Variants in IL1RAPL2 observed in about 807,000 individuals in gnomAD.
IL1RAPL2 encodes the protein interleukin 1 receptor accessory protein like 2.
A neutral mutation model predicts 44.1 loss-of-function variants in IL1RAPL2; 3 were observed. The observed-to-expected ratio is 0.07, with a 90% CI of 0.03 to 0.18. The LOEUF (loss-of-function observed/expected upper bound fraction) is 0.18. IL1RAPL2 is among the 10% of genes least tolerant of loss of function. The pLI is 1.00. For synonymous variants in IL1RAPL2, 181 were observed against 178.8 expected (o/e 1.01, Z -0.10); for missense variants, 391 against 496.4 (o/e 0.79, Z 2.02).
intron 2 of IL1RAPL2, among the ~76,000 whole-genome samples, chrX:105,175,916 G>A (rs772129619): frequency 3.2e-4 from 35 of 110,420 alleles, no homozygotes; most frequent in Non-Finnish European, 4.0e-4. Flanking sequence ...TGATTATAAC[G>A]ATTAATGGTA....
intron 5 of IL1RAPL2, among the ~76,000 whole-genome samples, chrX:105,279,466 T>A (rs2034512488): frequency 9.0e-6 from 1 of 111,422 alleles, no homozygotes; most frequent in African/African-American, 3.3e-5. Flanking sequence ...ACAATTTTTT[T>A]ATTATTTTTT....
At chrX:105,370,876 C>G (rs924308532) in intron 5 of IL1RAPL2, among the ~76,000 whole-genome samples, 1 of 112,142 alleles carries the variant, frequency 8.9e-6, no homozygotes, top group East Asian at 2.8e-4. Context: ...TAAGTGTTCC[C>G]TCTTCACTGC....
chrX:105,666,950 C>T (rs1294471492), intron 6 of IL1RAPL2, among the ~76,000 whole-genome samples: 1 of 111,764 alleles, frequency 8.9e-6, no homozygotes, highest in Non-Finnish European at 1.9e-5. Flanking sequence ...CTCATTCTGG[C>T]AGTCCAGCCT....
chrX:104,766,129 A>C (rs1932548164), intron 2 of IL1RAPL2, among the ~76,000 whole-genome samples: 1 of 111,891 alleles, frequency 8.9e-6, no homozygotes. Context: ...ACTGGAAATC[A>C]AACCAATATA....
intron 5 of IL1RAPL2, among the ~76,000 whole-genome samples, chrX:105,429,448 T>C (rs1168421681): frequency 8.9e-6 from 1 of 112,188 alleles, no homozygotes; most frequent in Non-Finnish European, 1.9e-5. Flanking sequence ...AAATTTAATA[T>C]GCTTCAGAAT....
At chrX:104,959,602 C>T (rs956731763) in intron 2 of IL1RAPL2, among the ~76,000 whole-genome samples, 2 of 111,090 alleles carry the variant, frequency 1.8e-5, no homozygotes, top group East Asian at 2.8e-4. Flanking sequence ...TGACTTAGTA[C>T]GTAATTATTG....
intron 2 of IL1RAPL2, among the ~76,000 whole-genome samples, chrX:105,033,757 C>T (rs2031562456): frequency 9.0e-6 from 1 of 111,451 alleles, no homozygotes; most frequent in African/African-American, 3.3e-5. Flanking sequence ...TTTCCTGAAT[C>T]TGAATGTTGA....
intron 2 of IL1RAPL2, among the ~76,000 whole-genome samples, chrX:104,918,081 G>T (rs1362758111): frequency 1.8e-5 from 2 of 112,374 alleles, no homozygotes; most frequent in African/African-American, 3.2e-5. Flanking sequence ...AAATTAGCAA[G>T]TTAGGCATTA....
chrX:105,002,739 A>AT (rs2030873657), intron 2 of IL1RAPL2, among the ~76,000 whole-genome samples: 1 of 109,066 alleles, frequency 9.2e-6, no homozygotes, highest in Non-Finnish European at 1.9e-5. Context: ...GAAATGGGCA[A>AT]TTTTTCTGAA....
Position 105,577,522 on chromosome X carries a change from C to A in IL1RAPL2, c.772+93135C>A, listed in dbSNP as rs747503855. ...TTTCTTTTTCCTCCCAATTAATAGA[C>A]CCTCAATAATATTGTTGTGATTAAT... On this transcript the variant is annotated intron_variant, in intron 6 of 10. Coordinates refer to ENST00000372582, the MANE Select transcript of IL1RAPL2 (RefSeq NM_017416.2). Among the ~76,000 whole-genome samples, 20 of 110,342 alleles carry A rather than the reference C, an allele frequency of 1.8e-4. No homozygotes were observed. In the South Asian group the frequency reaches 7.1e-3, roughly 39 times the overall value.
At chrX:104,708,736 A>T in intron 2 of IL1RAPL2, among the ~76,000 whole-genome samples, 1 of 110,604 alleles carries the variant, frequency 9.0e-6, no homozygotes. Context: ...GAATTAAGGG[A>T]TTGTTATCAT....
At chrX:104,601,236 G>A (rs759057986) in intron 1 of IL1RAPL2, among the ~76,000 whole-genome samples, 9 of 109,782 alleles carry the variant, frequency 8.2e-5, no homozygotes, top group East Asian at 2.9e-4. Context: ...CCATTAACTC[G>A]TCATTTACAT....
At chrX:105,744,302 T>C (rs914210751) in intron 8 of IL1RAPL2, among the ~76,000 whole-genome samples, 1 of 111,917 alleles carries the variant, frequency 8.9e-6, no homozygotes, top group Admixed American at 9.5e-5. Context: ...CAGTTAATCT[T>C]CCCTCACTTG....
chrX:105,208,661 C>T (rs187962846), intron 3 of IL1RAPL2, among the ~76,000 whole-genome samples: 1 of 111,713 alleles, frequency 9.0e-6, no homozygotes, highest in Non-Finnish European at 1.9e-5. Context: ...TCTACACACT[C>T]GTTTCCAGAC....
intron 6 of IL1RAPL2, among the ~76,000 whole-genome samples, chrX:105,603,095 A>T (rs1440280606): frequency 9.0e-6 from 1 of 111,500 alleles, no homozygotes. Context: ...AAGATAAATA[A>T]GAGAGTAAGA....
intron 6 of IL1RAPL2, among the ~76,000 whole-genome samples, chrX:105,658,720 G>A (rs1368584364): frequency 3.7e-5 from 4 of 109,130 alleles, no homozygotes; most frequent in Non-Finnish European, 3.8e-5. Flanking sequence ...CAGCACTTTG[G>A]GAGGTGGGCA....
At chrX:105,045,730 A>C (rs182201063) in intron 2 of IL1RAPL2, among the ~76,000 whole-genome samples, 30 of 110,038 alleles carry the variant, frequency 2.7e-4, no homozygotes, top group African/African-American at 8.6e-4. Flanking sequence ...TAAAATTTTT[A>C]TTTTATGTAT....
At chrX:105,166,856 CAGG>C (rs2033375378) in intron 2 of IL1RAPL2, among the ~76,000 whole-genome samples, 1 of 111,894 alleles carries the variant, frequency 8.9e-6, no homozygotes, top group Admixed American at 9.5e-5. Flanking sequence ...TACAGTTACA[CAGG>C]AGAAGTCTTC....
chrX:105,602,521 A>G (rs2037260859), intron 6 of IL1RAPL2, among the ~76,000 whole-genome samples: 1 of 111,345 alleles, frequency 9.0e-6, no homozygotes, highest in African/African-American at 3.3e-5. Flanking sequence ...AACCCATTCA[A>G]TGAAATGATA....
Sources: allele counts gnomAD v4.1 joint callset (sites outside exome capture counted in the v4.1 genomes callset), GRCh38; gene constraint gnomAD v4.1.1; transcripts MANE v1.5; gene names NCBI Gene and HGNC (gene_info 2026-07-23, HGNC 2026-07-21).